The following UTRN variants were observed in gnomAD, a reference collection of about 807,000 sequenced individuals.
The protein encoded by UTRN is utrophin.
Under a neutral mutation model 463.9 loss-of-function variants are expected in UTRN, and 283 were observed. The ratio of observed to expected loss-of-function variants is 0.61; its 90% CI spans 0.55 to 0.67. The LOEUF is 0.67. Ranked by LOEUF, UTRN falls within the 30% of genes least tolerant of loss-of-function variation. The probability of loss-of-function intolerance (pLI) is 0.00; values close to 1 mark genes in which losing one functional copy is unlikely to be tolerated. For missense variants in UTRN, 3,922 were observed against 4,084.3 expected, an observed-to-expected ratio of 0.96 and a Z score of 1.08; for synonymous variants, 1,442 against 1,431.5, an observed-to-expected ratio of 1.01 and a Z score of -0.17.
At chr6:144,606,224 G>A (rs1276802517) in intron 51 of UTRN, among the ~76,000 whole-genome samples, 1 of 152,158 alleles carries the variant, frequency 6.6e-6, no homozygotes, top group Non-Finnish European at 1.5e-5. Flanking sequence ...TTGATGTGAT[G>A]ACATCATCCT....
At chr6:144,636,170 T>G (rs1777151707) in intron 51 of UTRN, among the ~76,000 whole-genome samples, 1 of 152,118 alleles carries the variant, frequency 6.6e-6, no homozygotes, top group African/African-American at 2.4e-5. Flanking sequence ...TGCTTGTAAT[T>G]AGAGAAAATG....
At chr6:144,733,434 T>G (rs566019269) in intron 54 of UTRN, among the ~76,000 whole-genome samples, 1 of 151,650 alleles carries the variant, frequency 6.6e-6, no homozygotes, top group South Asian at 2.1e-4. Flanking sequence ...GGGGAATCGC[T>G]TGAACCCGGG....
At chr6:144,685,339 TACG>T (rs1331532463) in intron 52 of UTRN, among the ~76,000 whole-genome samples, 1 of 152,204 alleles carries the variant, frequency 6.6e-6, no homozygotes, top group Non-Finnish European at 1.5e-5. Context: ...GTGATAAACA[TACG>T]AGTGCCAGTG....
intron 68 of UTRN, among the ~76,000 whole-genome samples, chr6:144,828,244 A>C (rs541646474): frequency 3.1e-4 from 47 of 152,302 alleles, no homozygotes; most frequent in African/African-American, 1.1e-3. Flanking sequence ...TTTCTAGGGG[A>C]AAGTCTTGGA....
intron 54 of UTRN, among the ~76,000 whole-genome samples, chr6:144,742,630 ATAG>A (rs1161591709): frequency 1.3e-5 from 2 of 152,216 alleles, no homozygotes; most frequent in Non-Finnish European, 1.5e-5. Context: ...TAGTTATAAA[ATAG>A]TAAAAAGGAA....
At chr6:144,521,743 A>G (rs1323018248) in intron 39 of UTRN, among the ~76,000 whole-genome samples, 5 of 152,242 alleles carry the variant, frequency 3.3e-5, no homozygotes, top group Middle Eastern at 3.4e-3. Context: ...AAAGCCTGTC[A>G]AATTAATAAC....
intron 53 of UTRN, among the ~76,000 whole-genome samples, chr6:144,725,847 T>C (rs933154807): frequency 2.0e-5 from 3 of 152,256 alleles, no homozygotes; most frequent in Non-Finnish European, 4.4e-5. Context: ...AATTATCATA[T>C]GTATGCTGCT....
At chr6:144,562,525 G>A (rs887317171) in intron 50 of UTRN, among the ~76,000 whole-genome samples, 4 of 152,122 alleles carry the variant, frequency 2.6e-5, no homozygotes, top group African/African-American at 9.7e-5. Flanking sequence ...CCCAGCAAAG[G>A]ACATGATCTC....
At position 144,671,169 on chromosome 6, in the gene UTRN, A is replaced by G. The variant is rs557070333; in HGVS notation, c.7480-7237A>G. Among the ~76,000 whole-genome samples, 3 of 149,968 alleles carry G rather than the reference A, an allele frequency of 2.0e-5. No individual in the cohort carries two copies. The South Asian group carries it at 6.3e-4, about 32-fold the overall frequency. On this transcript the variant is annotated intron_variant, in intron 51 of 74. Coordinates refer to ENST00000367545, the MANE Select transcript of UTRN (RefSeq NM_007124.3). ...TAGAGTTTTTTTTTTTTCTAGTTCT[A>G]TGAAGAATGATGATAGTATTTTGAT...
intron 2 of UTRN, among the ~76,000 whole-genome samples, chr6:144,324,832 G>A (rs950945415): frequency 9.2e-5 from 14 of 152,180 alleles, no homozygotes; most frequent in African/African-American, 3.4e-4. Flanking sequence ...AGACGATGGT[G>A]GAGTGGCTTT....
intron 51 of UTRN, chr6:144,583,145 C>G (rs879088383): frequency 4.7e-6 from 1 of 211,894 alleles, no homozygotes; most frequent in South Asian, 1.6e-4. Flanking sequence ...TAATGTTTCA[C>G]TTAATATCCT....
At position 144,412,612 on chromosome 6, in the gene UTRN, A is replaced by T. The variant is rs7763909; in HGVS notation, c.142-9266A>T. Among the ~76,000 whole-genome samples the T allele has an allele frequency of 8.5e-5, 13 of 152,130 alleles. No homozygotes were observed. The East Asian group carries it at 1.9e-3, about 23-fold the overall frequency. ...AGAGAGAGAGACCATAAAATTTACA[A>T]TGTTATCAGATGCTTGGGCATCATT... On this transcript the variant is annotated intron_variant, in intron 3 of 74. Transcript: ENST00000367545.
At chr6:144,689,543 A>T (rs1479466587) in intron 52 of UTRN, among the ~76,000 whole-genome samples, 1 of 152,126 alleles carries the variant, frequency 6.6e-6, no homozygotes, top group Non-Finnish European at 1.5e-5. Context: ...TGAGGGCCAG[A>T]CTATTGTGAA....
chr6:144,487,425 T>TAA, intron 28 of UTRN, 123 bp from the exon 29 acceptor site: 1 of 1,007,940 alleles, frequency 9.9e-7, no homozygotes, highest in Non-Finnish European at 1.3e-6. Context: ...CTTTTGGTCC[T>TAA]GTTACTTAGG....
intron 1 of UTRN, among the ~76,000 whole-genome samples, chr6:144,288,756 CTTTTTTTT>C (rs1197688763): frequency 1.5e-5 from 2 of 132,248 alleles, no homozygotes; most frequent in Non-Finnish European, 3.2e-5. Context: ...CTCTCTCTCT[CTTTTTTTT>C]TTTTTTTTTT....
chr6:144,531,287 T>C, intron 42 of UTRN, 85 bp downstream of exon 42: 1 of 1,278,988 alleles, frequency 7.8e-7, no homozygotes, highest in Non-Finnish European at 1.0e-6. Context: ...AGGGACAAAA[T>C]ATATTAATTT....
At chr6:144,316,926 A>T (rs997608096) in intron 2 of UTRN, among the ~76,000 whole-genome samples, 1 of 152,038 alleles carries the variant, frequency 6.6e-6, no homozygotes, top group African/African-American at 2.4e-5. Context: ...GCAAAAATCA[A>T]CAACAATGCA....
chr6:144,770,382 A>T (rs7742259), intron 58 of UTRN, among the ~76,000 whole-genome samples: 1 of 151,994 alleles, frequency 6.6e-6, no homozygotes, highest in African/African-American at 2.4e-5. Flanking sequence ...GATATATTAC[A>T]TAGGCTTGAA....
intron 51 of UTRN, among the ~76,000 whole-genome samples, chr6:144,653,826 A>T (rs1484953290): frequency 6.6e-6 from 1 of 152,212 alleles, no homozygotes; most frequent in Non-Finnish European, 1.5e-5. Flanking sequence ...TTTGATGGGC[A>T]TTGTTAAATT....
Sources: gnomAD v4.1 joint callset for allele counts (sites outside exome capture counted in the v4.1 genomes callset) on GRCh38, gnomAD v4.1.1 for gene constraint, MANE v1.5 for transcripts, NCBI Gene and HGNC (gene_info 2026-07-23, HGNC 2026-07-21) for gene names.